The following VEPH1 variants were observed in gnomAD, a reference collection of about 807,000 sequenced individuals.
VEPH1 encodes ventricular zone-expressed PH domain-containing protein homolog 1.
A neutral mutation model predicts 85.2 loss-of-function variants in VEPH1; 80 were observed. The ratio of observed to expected loss-of-function variants is 0.94; its 90% CI spans 0.78 to 1.13. The LOEUF is 1.13. Among genes scored for constraint, VEPH1 ranks in the 50% most tolerant of loss-of-function variants. The pLI, the probability that VEPH1 is intolerant of heterozygous loss-of-function variation, is 0.00. For missense variants in VEPH1, 955 were observed against 980.5 expected (o/e 0.97, Z 0.35); for synonymous variants, 297 against 348.0 (o/e 0.85, Z 1.63).
intron 6 of VEPH1, among the ~76,000 whole-genome samples, chr3:157,385,687 A>G (rs949539618): frequency 5.3e-5 from 8 of 152,188 alleles, no homozygotes; most frequent in African/African-American, 9.7e-5. Context: ...TGAAGTTAGA[A>G]AAGGGAAGAC....
intron 7 of VEPH1, among the ~76,000 whole-genome samples, chr3:157,366,091 A>T (rs908073266): frequency 2.6e-4 from 40 of 152,180 alleles, no homozygotes; most frequent in African/African-American, 9.7e-4. Flanking sequence ...GCCAACAGTC[A>T]TCTCATTAGC....
intron 9 of VEPH1, 146 bp downstream of exon 9, chr3:157,363,218 A>C (rs1376943580): frequency 1.3e-6 from 1 of 753,162 alleles, no homozygotes; most frequent in Non-Finnish European, 2.0e-6. Flanking sequence ...AAAAAAAAAA[A>C]CTAACATAAT....
intron 4 of VEPH1, among the ~76,000 whole-genome samples, chr3:157,438,412 C>T (rs745598987): frequency 6.6e-6 from 1 of 152,104 alleles, no homozygotes; most frequent in Non-Finnish European, 1.5e-5. Context: ...GTTTTCCAGC[C>T]CCTCAGCCGG....
At position 157,384,022 on chromosome 3, in the gene VEPH1, T is replaced by C. The variant is rs563026695; in HGVS notation, c.907-2646A>G. 8.5e-5 allele frequency among the ~76,000 whole-genome samples: 13 copies of C among 152,276 alleles called. 1 individual carries two copies. Among genetic ancestry groups the C allele is most frequent in the African/African-American group, 3.1e-4 (13 of 41,546 alleles). On this transcript the variant is annotated intron_variant, in intron 6 of 13. Coordinates refer to ENST00000362010, the MANE Select transcript of VEPH1 (RefSeq NM_001167912.2). The stretch of plus-strand genomic sequence containing the variant: ...AGCTGGATGTGGGGGGTCCCTACCA[T>C]ATGCCAGACCCCCTTCTAGAAGTCA...
intron 12 of VEPH1, among the ~76,000 whole-genome samples, chr3:157,274,616 G>GC (rs1280769792): frequency 3.3e-5 from 5 of 152,070 alleles, no homozygotes; most frequent in Admixed American, 1.3e-4. Flanking sequence ...TCCTGCCTCA[G>GC]CCCCCCAAGT....
chr3:157,312,209 T>A, intron 11 of VEPH1, among the ~76,000 whole-genome samples: 1 of 152,314 alleles, frequency 6.6e-6, no homozygotes, highest in South Asian at 2.1e-4. Flanking sequence ...TCTCAGAACA[T>A]CTGGTTTGCT....
chr3:157,304,044 C>CACACAG (rs1719196700), intron 11 of VEPH1, among the ~76,000 whole-genome samples: 1 of 53,150 alleles, frequency 1.9e-5, no homozygotes, highest in African/African-American at 4.8e-5. Context: ...TATATACACA[C>CACACAG]ATACTGTTAC....
intron 9 of VEPH1, among the ~76,000 whole-genome samples, chr3:157,354,258 A>G (rs1284332622): frequency 1.1e-5 from 1 of 91,998 alleles, no homozygotes; most frequent in African/African-American, 3.0e-5. Context: ...TTTATTAATT[A>G]AAAAAAAAAG....
chr3:157,301,833 T>C lies in VEPH1; in HGVS notation c.2010+11788A>G, dbSNP rs76709597. Among the ~76,000 whole-genome samples, 1,068 of 152,340 alleles carry C rather than the reference T, an allele frequency of 7.0e-3. 14 individuals are homozygous for C. The highest frequency in any genetic ancestry group is 0.056 in the East Asian group (293 of 5,186). On this transcript the variant is annotated intron_variant, in intron 11 of 13. Transcript: ENST00000362010. Reference sequence around the variant, plus strand: ...ACTCTCTTCCTAGATTGCTTCAGTCTTCCCATGGTTTTCATCATCTGTATG... The same window carrying C: ...ACTCTCTTCCTAGATTGCTTCAGTCCTCCCATGGTTTTCATCATCTGTATG...
At chr3:157,332,750 T>C (rs1405669532) in intron 9 of VEPH1, among the ~76,000 whole-genome samples, 1 of 152,196 alleles carries the variant, frequency 6.6e-6, no homozygotes, top group Admixed American at 6.5e-5. Flanking sequence ...TTCTTTGGAG[T>C]ATATTCCTAA....
intron 11 of VEPH1, among the ~76,000 whole-genome samples, chr3:157,312,843 C>T (rs1437950415): frequency 2.7e-5 from 4 of 149,292 alleles, no homozygotes; most frequent in African/African-American, 9.9e-5. Context: ...AGACCAAGAT[C>T]AAGGAGTAGT....
intron 9 of VEPH1, among the ~76,000 whole-genome samples, chr3:157,350,870 A>T (rs531561650): frequency 5.9e-5 from 9 of 152,340 alleles, no homozygotes; most frequent in African/African-American, 2.2e-4. Context: ...GAAAAAAAAT[A>T]ACAAATGCTG....
At chr3:157,436,800 C>A in intron 4 of VEPH1, 1 of 1,063,006 alleles carries the variant, frequency 9.4e-7, no homozygotes, top group Non-Finnish European at 1.3e-6. Context: ...CATTCATCCC[C>A]ATTCAGGCTT....
intron 11 of VEPH1, among the ~76,000 whole-genome samples, chr3:157,301,427 C>T (rs886809793): frequency 4.7e-4 from 72 of 152,212 alleles, no homozygotes; most frequent in African/African-American, 1.6e-3. Flanking sequence ...TGCATCATCC[C>T]GGCAATTTAC....
chr3:157,284,792 C>T (rs1716569662), intron 12 of VEPH1, among the ~76,000 whole-genome samples: 1 of 152,064 alleles, frequency 6.6e-6, no homozygotes, highest in Non-Finnish European at 1.5e-5. Context: ...CATTTTGATT[C>T]AATATGCTCT....
At chr3:157,321,598 G>A (rs1210703982) in intron 9 of VEPH1, among the ~76,000 whole-genome samples, 1 of 152,166 alleles carries the variant, frequency 6.6e-6, no homozygotes, top group Non-Finnish European at 1.5e-5. Flanking sequence ...TAGTACATGA[G>A]TGAATGGCTC....
At chr3:157,417,927 T>C (rs1036738805) in intron 5 of VEPH1, among the ~76,000 whole-genome samples, 4 of 152,114 alleles carry the variant, frequency 2.6e-5, no homozygotes, top group African/African-American at 9.7e-5. Context: ...TCAGCCCCCA[T>C]TCCTTGCCCC....
chr3:157,359,965 A>G (rs1725864250), intron 9 of VEPH1, among the ~76,000 whole-genome samples: 1 of 152,196 alleles, frequency 6.6e-6, no homozygotes, highest in Non-Finnish European at 1.5e-5. Context: ...TAAATGTTTC[A>G]GAAGTGGTTT....
intron 12 of VEPH1, among the ~76,000 whole-genome samples, chr3:157,276,872 G>A (rs1715467475): frequency 6.7e-6 from 1 of 150,264 alleles, no homozygotes; most frequent in African/African-American, 2.5e-5. Context: ...AAAAGATCAG[G>A]AGAGTGGCAA....
Sources: gnomAD v4.1 joint callset for allele counts (sites outside exome capture counted in the v4.1 genomes callset) on GRCh38, gnomAD v4.1.1 for gene constraint, MANE v1.5 for transcripts, NCBI Gene and HGNC (gene_info 2026-07-23, HGNC 2026-07-21) for gene names.